HTR1F: variants seen among roughly 807,000 people sequenced by gnomAD.
HTR1F encodes 5-hydroxytryptamine receptor 1F.
In HTR1F, 17 loss-of-function variants were observed where a neutral mutation model predicts 24.0. That is an observed-to-expected ratio of 0.71 (90% CI 0.48 to 1.06). HTR1F has a LOEUF of 1.06. HTR1F is among the 50% of genes least tolerant of loss of function. The pLI, the probability that HTR1F is intolerant of heterozygous loss-of-function variation, is 0.00. For missense variants in HTR1F, 391 were observed against 427.8 expected, an observed-to-expected ratio of 0.91 and a Z score of 0.76; for synonymous variants, 186 against 156.8, an observed-to-expected ratio of 1.19 and a Z score of -1.39.
Position 87,962,684 on chromosome 3 carries a change from T to G in HTR1F, c.-42-28024T>G, listed in dbSNP as rs76295621. On this transcript the variant is annotated intron_variant, in intron 2 of 2. Coordinates refer to ENST00000319595, the MANE Select transcript of HTR1F (RefSeq NM_001322209.2). Reference sequence around the variant, plus strand: ...TATACAAATGGTATTGATTTGTATTTTATTTTAATATTTGTACTCTTCAGT... The same window carrying G: ...TATACAAATGGTATTGATTTGTATTGTATTTTAATATTTGTACTCTTCAGT... Among the ~76,000 whole-genome samples, 634 of 152,182 alleles carry G rather than the reference T, an allele frequency of 4.2e-3. 8 individuals carry two copies. The highest frequency in any genetic ancestry group is 7.1e-3 in the East Asian group (37 of 5,180).
At chr3:87,892,720 A>G (rs1327763831) in intron 2 of HTR1F, among the ~76,000 whole-genome samples, 3 of 152,222 alleles carry the variant, frequency 2.0e-5, no homozygotes, top group Non-Finnish European at 2.9e-5. Flanking sequence ...TCAAATGCAT[A>G]AAACACAATT....
intron 2 of HTR1F, among the ~76,000 whole-genome samples, chr3:87,941,398 C>G (rs1704565186): frequency 6.6e-6 from 1 of 152,126 alleles, no homozygotes. Flanking sequence ...AATTTTGGCC[C>G]TAAGTATTTA....
At chr3:87,872,957 G>A (rs1288901546) in intron 2 of HTR1F, among the ~76,000 whole-genome samples, 1 of 151,884 alleles carries the variant, frequency 6.6e-6, no homozygotes, top group Non-Finnish European at 1.5e-5. Context: ...GGAATATGCT[G>A]ATACAAAAGC....
At chr3:87,933,667 AAGG>A (rs1226965107) in intron 2 of HTR1F, among the ~76,000 whole-genome samples, 1 of 152,262 alleles carries the variant, frequency 6.6e-6, no homozygotes, top group African/African-American at 2.4e-5. Flanking sequence ...GGACCTCTTC[AAGG>A]AGAATTACAA....
chr3:87,808,344 G>A (rs7631622), intron 1 of HTR1F, among the ~76,000 whole-genome samples: 10,261 of 151,736 alleles, frequency 0.068, 1,116 homozygotes, highest in African/African-American at 0.23. Flanking sequence ...TTCAATCTTG[G>A]TCAGTTGTAT....
chr3:87,817,383 A>G (rs1157760570), intron 1 of HTR1F, among the ~76,000 whole-genome samples: 2 of 152,208 alleles, frequency 1.3e-5, no homozygotes, highest in African/African-American at 2.4e-5. Context: ...AATACCATGC[A>G]TCTTTGATAG....
rs527319942 is a variant in HTR1F at position 87,859,113 on chromosome 3, G to A, written c.-43+36989G>A. On this transcript the variant is annotated intron_variant, in intron 2 of 2. Transcript: ENST00000319595. ...CTTGGGAGGCTGAGGCAGGAGAATT[G>A]CTTGAACCTGGGAGGTGGAGGTTGC... is the stretch of plus-strand genomic sequence containing the variant. 9.8e-4 allele frequency among the ~76,000 whole-genome samples: 149 copies of A among 152,286 alleles called. 1 individual carries two copies. In the Middle Eastern group the frequency reaches 0.017, roughly 17 times the overall value.
chr3:87,953,626 A>G (rs1704882091), intron 2 of HTR1F, among the ~76,000 whole-genome samples: 1 of 151,764 alleles, frequency 6.6e-6, no homozygotes, highest in Non-Finnish European at 1.5e-5. Context: ...ACGCAGTGGG[A>G]GATTTCTTCA....
rs1399948648 is a variant in HTR1F at position 87,991,922 on chromosome 3, A to G, written c.*72A>G. On this transcript the variant is annotated 3_prime_UTR_variant, in exon 3 of 3. Coordinates refer to ENST00000319595, the MANE Select transcript of HTR1F (RefSeq NM_001322209.2). ...AATAACTAGATGAATGCCAAATAAT[A>G]AAACACTTAAGCTTTTAGAGGGAAA... 68 of 1,297,862 alleles carry G rather than the reference A, an allele frequency of 5.2e-5. No individual in the cohort carries two copies. Among genetic ancestry groups the G allele is most frequent in the Non-Finnish European group, 7.0e-5 (66 of 946,710 alleles). 80.4% of individuals were successfully genotyped at this position (1,297,862 alleles called of 1,614,324 possible). A position where few individuals can be genotyped will look rare whatever the true frequency, so the allele number is the denominator to read the frequency against.
chr3:87,892,616 A>G (rs1188187202), intron 2 of HTR1F, among the ~76,000 whole-genome samples: 8 of 152,220 alleles, frequency 5.3e-5, no homozygotes, highest in Non-Finnish European at 2.9e-5. Flanking sequence ...ACTTTTAGGC[A>G]CATGGTAGGT....
At position 87,881,728 on chromosome 3, in the gene HTR1F, T is replaced by G. The variant is rs188997161; in HGVS notation, c.-43+59604T>G. On this transcript the variant is annotated intron_variant, in intron 2 of 2. Transcript: ENST00000319595. The stretch of plus-strand genomic sequence containing the variant: ...ATCAATTCAAGATGGATTAAAGACT[T>G]AAACGTTAGACCTAAAACCATAAAA... Among the ~76,000 whole-genome samples the G allele has an allele frequency of 3.7e-4, 56 of 152,226 alleles. No individual in the cohort carries two copies. In the East Asian group the frequency reaches 0.01, roughly 28 times the overall value.
chr3:87,799,390 G>A (rs957980825), intron 1 of HTR1F, among the ~76,000 whole-genome samples: 4 of 151,692 alleles, frequency 2.6e-5, no homozygotes, highest in African/African-American at 9.7e-5. Flanking sequence ...TTTTAAAATA[G>A]CAATAAATAA....
chr3:87,954,036 G>A (rs1458092739), intron 2 of HTR1F, among the ~76,000 whole-genome samples: 1 of 151,690 alleles, frequency 6.6e-6, no homozygotes, highest in Non-Finnish European at 1.5e-5. Context: ...CAGGGAATGG[G>A]TGGCGAGGTG....
In HTR1F at chr3:87,966,252, C is replaced by T. The variant is rs112008091; in HGVS notation, c.-42-24456C>T. ...ATCCCATTCACGAGGGCTTTGCCCC[C>T]ATGACCTAATCACCTCCCAAAGACC... is the stretch of plus-strand genomic sequence containing the variant. On this transcript the variant is annotated intron_variant, in intron 2 of 2. Transcript: ENST00000319595. Among the ~76,000 whole-genome samples, 588 of 152,310 alleles carry T rather than the reference C, an allele frequency of 3.9e-3. 7 individuals are homozygous for T. The highest frequency in any genetic ancestry group is 0.013 in the African/African-American group (550 of 41,578).
At chr3:87,945,400 G>A (rs1173460511) in intron 2 of HTR1F, among the ~76,000 whole-genome samples, 3 of 152,126 alleles carry the variant, frequency 2.0e-5, no homozygotes, top group Non-Finnish European at 2.9e-5. Context: ...AGAGGAAGTC[G>A]ATTCAGAGGT....
At position 87,990,909 on chromosome 3, in the gene HTR1F, C is replaced by T; in HGVS notation, c.160C>T (p.Leu54=). The T allele has an allele frequency of 6.2e-7, 1 of 1,614,170 alleles. No homozygotes were observed. Among genetic ancestry groups the T allele is most frequent in the Admixed American group, 1.7e-5 (1 of 60,026 alleles). Reference sequence around the variant, plus strand: ...CGCTGCAATTATTGTGACCCGGAAGCTGCACCATCCAGCCAATTATTTAAT... The same window carrying T: ...CGCTGCAATTATTGTGACCCGGAAGTTGCACCATCCAGCCAATTATTTAAT... ...VIAAIIVTRK[L]HHPANYLICS... is the part of the protein sequence containing the mutation. Residue 54 remains leucine (L), a synonymous_variant, in exon 3 of 3, where the codon CTG becomes TTG. Coordinates refer to ENST00000319595, the MANE Select transcript of HTR1F (RefSeq NM_001322209.2).
chr3:87,823,842 C>G (rs1425777760), intron 2 of HTR1F, among the ~76,000 whole-genome samples: 1 of 152,016 alleles, frequency 6.6e-6, no homozygotes. Context: ...GGGCGGATCA[C>G]GAGTTCAAGA....
At chr3:87,830,399 T>C (rs1394122067) in intron 2 of HTR1F, among the ~76,000 whole-genome samples, 3 of 152,172 alleles carry the variant, frequency 2.0e-5, no homozygotes, top group African/African-American at 7.2e-5. Context: ...GAAGTAGTGG[T>C]AAGTCCATCA....
intron 2 of HTR1F, among the ~76,000 whole-genome samples, chr3:87,939,400 G>T (rs917648100): frequency 6.6e-6 from 1 of 152,178 alleles, no homozygotes; most frequent in Admixed American, 6.5e-5. Flanking sequence ...AAATGAGTTA[G>T]GGAGGAGTCC....
Sources: allele counts gnomAD v4.1 joint callset (sites outside exome capture counted in the v4.1 genomes callset), GRCh38; gene constraint gnomAD v4.1.1; transcripts MANE v1.5; gene names NCBI Gene and HGNC (gene_info 2026-07-23, HGNC 2026-07-21).